The following ZSWIM5 variants were observed in gnomAD, a reference collection of about 807,000 sequenced individuals.
The protein encoded by ZSWIM5 is zinc finger SWIM-type containing 5.
In ZSWIM5, 55 loss-of-function variants were observed where a neutral mutation model predicts 119.6. That is an observed-to-expected ratio of 0.46 (90% CI 0.37 to 0.58). The LOEUF is 0.58. Ranked by LOEUF, ZSWIM5 falls within the 20% of genes least tolerant of loss-of-function variation. ZSWIM5 has a pLI of 0.00. For missense variants in ZSWIM5, 1,193 were observed against 1,512.8 expected, an observed-to-expected ratio of 0.79 and a Z score of 3.51; for synonymous variants, 537 against 606.9, an observed-to-expected ratio of 0.88 and a Z score of 1.69.
In ZSWIM5 at chr1:45,205,844, G is replaced by A; in HGVS notation, c.507C>T (p.Gly169=). 6.8e-7 allele frequency: 1 copy of A among 1,474,472 alleles called. No individual in the cohort carries two copies. The highest frequency in any genetic ancestry group is 9.0e-7 in the Non-Finnish European group (1 of 1,110,718). 91.3% of individuals were successfully genotyped at this position (1,474,472 alleles called of 1,614,324 possible). The stretch of plus-strand genomic sequence containing the variant: ...GCCCCTCGCCACCGCAGCCGGCCGC[G>A]CCGGCCCCTGCGCCCAGCCCGGGGG... ...GASPGLGAGA[G]AAGCGGEGLP... Residue 169 remains glycine (G), a synonymous_variant, in exon 1 of 14, where the codon GGC becomes GGT. Coordinates refer to ENST00000359600, the MANE Select transcript of ZSWIM5 (RefSeq NM_020883.2).
intron 1 of ZSWIM5, among the ~76,000 whole-genome samples, chr1:45,108,144 A>G (rs572656597): frequency 1.3e-5 from 2 of 152,298 alleles, no homozygotes; most frequent in East Asian, 3.9e-4. Context: ...TAGATTGGGA[A>G]AAATAAATCA....
At chr1:45,143,171 CAAAAAAAAAA>C (rs60638239) in intron 1 of ZSWIM5, among the ~76,000 whole-genome samples, 6 of 60,598 alleles carry the variant, frequency 9.9e-5, no homozygotes, top group African/African-American at 4.0e-4. Context: ...GACTCTGTCT[CAAAAAAAAAA>C]AAAAAAAAAG....
intron 4 of ZSWIM5, among the ~76,000 whole-genome samples, chr1:45,056,827 T>C (rs1645126821): frequency 6.6e-6 from 1 of 152,116 alleles, no homozygotes; most frequent in African/African-American, 2.4e-5. Flanking sequence ...GCAAACCATA[T>C]GGGTAGAGAC....
chr1:45,045,331 A>G (rs1328676851), intron 5 of ZSWIM5, among the ~76,000 whole-genome samples: 1 of 152,200 alleles, frequency 6.6e-6, no homozygotes, highest in Non-Finnish European at 1.5e-5. Context: ...CTGTACGGAC[A>G]TTTCCAGAGA....
chr1:45,157,937 T>C (rs1645840064), intron 1 of ZSWIM5, among the ~76,000 whole-genome samples: 1 of 152,232 alleles, frequency 6.6e-6, no homozygotes, highest in Admixed American at 6.5e-5. Flanking sequence ...TGTTTTTTCA[T>C]GTGTTTAATA....
At chr1:45,162,107 T>C (rs559156489) in intron 1 of ZSWIM5, among the ~76,000 whole-genome samples, 1 of 152,252 alleles carries the variant, frequency 6.6e-6, no homozygotes, top group Non-Finnish European at 1.5e-5. Flanking sequence ...TGGCAAGCCA[T>C]GTCACCATAC....
chr1:45,096,437 T>C (rs1316026200), intron 1 of ZSWIM5, among the ~76,000 whole-genome samples: 1 of 106,138 alleles, frequency 9.4e-6, no homozygotes, highest in Non-Finnish European at 2.0e-5. Flanking sequence ...TAACTGTTTG[T>C]GTGTGTGTGT....
At chr1:45,173,569 T>C (rs181299750) in intron 1 of ZSWIM5, among the ~76,000 whole-genome samples, 8 of 152,228 alleles carry the variant, frequency 5.3e-5, no homozygotes, top group Admixed American at 2.6e-4. Flanking sequence ...TGATTAAGAT[T>C]TTGAACACAG....
intron 2 of ZSWIM5, among the ~76,000 whole-genome samples, chr1:45,068,338 G>T (rs568259568): frequency 2.6e-5 from 4 of 151,318 alleles, no homozygotes; most frequent in African/African-American, 9.7e-5. Flanking sequence ...ACTCCTGACC[G>T]CAGGTGATCT....
At chr1:45,134,291 A>C (rs1645676730) in intron 1 of ZSWIM5, among the ~76,000 whole-genome samples, 1 of 152,170 alleles carries the variant, frequency 6.6e-6, no homozygotes, top group African/African-American at 2.4e-5. Flanking sequence ...TAAAAGTATA[A>C]AAATAAATAC....
rs534902822 is a variant in ZSWIM5 at position 45,037,352 on chromosome 1, C to T, written c.1895-1053G>A. On this transcript the variant is annotated intron_variant, in intron 8 of 13. Coordinates refer to ENST00000359600, the MANE Select transcript of ZSWIM5 (RefSeq NM_020883.2). ...TCTCCAACTCCTGACCTCAGGTGAT[C>T]TGCCTGCCTTGGCCTCCCAAAGTGC... Among the ~76,000 whole-genome samples the T allele has an allele frequency of 9.2e-5, 14 of 151,972 alleles. No homozygotes were observed. The South Asian group carries it at 2.3e-3, about 25-fold the overall frequency.
chr1:45,054,477 G>A (rs373147124), intron 4 of ZSWIM5, among the ~76,000 whole-genome samples: 3 of 152,074 alleles, frequency 2.0e-5, no homozygotes, highest in African/African-American at 7.2e-5. Context: ...AGCTACTTGG[G>A]AGGCTGAGGC....
At chr1:45,092,166 T>C (rs1645369687) in intron 1 of ZSWIM5, among the ~76,000 whole-genome samples, 2 of 152,222 alleles carry the variant, frequency 1.3e-5, no homozygotes, top group African/African-American at 4.8e-5. Context: ...AAAGGTCTTT[T>C]ACTTAGCCTT....
chr1:45,095,329 T>C (rs1020871545), intron 1 of ZSWIM5, among the ~76,000 whole-genome samples: 23 of 152,128 alleles, frequency 1.5e-4, no homozygotes, highest in African/African-American at 5.3e-4. Context: ...TCTCAATGTG[T>C]TGTCCAGGCT....
intron 1 of ZSWIM5, among the ~76,000 whole-genome samples, chr1:45,203,018 C>T (rs1319473541): frequency 2.6e-5 from 4 of 151,968 alleles, no homozygotes; most frequent in Non-Finnish European, 5.9e-5. Context: ...ATACTCTAAC[C>T]TTTACAATAC....
chr1:45,079,422 C>A (rs574775543), intron 2 of ZSWIM5, among the ~76,000 whole-genome samples: 1 of 152,150 alleles, frequency 6.6e-6, no homozygotes, highest in Non-Finnish European at 1.5e-5. Flanking sequence ...CACAGGCCCA[C>A]GAGGAGTACC....
intron 1 of ZSWIM5, among the ~76,000 whole-genome samples, chr1:45,119,385 A>C (rs1645577717): frequency 1.3e-5 from 2 of 152,194 alleles, no homozygotes; most frequent in African/African-American, 4.8e-5. Context: ...TACTGTATTT[A>C]AGCTCGGAAA....
At chr1:45,195,063 A>G (rs530543557) in intron 1 of ZSWIM5, among the ~76,000 whole-genome samples, 13 of 152,156 alleles carry the variant, frequency 8.5e-5, no homozygotes, top group Admixed American at 5.2e-4. Flanking sequence ...AACTTCTTCT[A>G]TTATTACAGA....
intron 11 of ZSWIM5, among the ~76,000 whole-genome samples, chr1:45,022,631 G>A (rs1031596520): frequency 2.0e-5 from 3 of 152,108 alleles, no homozygotes; most frequent in African/African-American, 7.2e-5. Context: ...AGTAGTTTCA[G>A]GTTTACAGGA....
Sources: allele counts gnomAD v4.1 joint callset (sites outside exome capture counted in the v4.1 genomes callset), GRCh38; gene constraint gnomAD v4.1.1; transcripts MANE v1.5; gene names NCBI Gene and HGNC (gene_info 2026-07-23, HGNC 2026-07-21).